SND1: variants seen among roughly 807,000 people sequenced by gnomAD.
SND1 encodes staphylococcal nuclease domain-containing protein 1.
A neutral mutation model predicts 121.7 loss-of-function variants in SND1; 38 were observed. The observed-to-expected ratio is 0.31, with a 90% CI of 0.24 to 0.41. The LOEUF (loss-of-function observed/expected upper bound fraction) is 0.41, where lower values mean the gene tolerates loss of function less well. Among genes scored for constraint, SND1 ranks in the 10% least tolerant of loss-of-function variants. The pLI is 1.00. For missense variants in SND1, 868 were observed against 1,184.6 expected, an observed-to-expected ratio of 0.73 and a Z score of 3.92; for synonymous variants, 401 against 447.4, an observed-to-expected ratio of 0.90 and a Z score of 1.31.
intron 12 of SND1, among the ~76,000 whole-genome samples, chr7:127,886,155 A>G (rs1799902874): frequency 6.6e-6 from 1 of 152,086 alleles, no homozygotes; most frequent in African/African-American, 2.4e-5. Context: ...GTGGGAGTGG[A>G]TTTTGAGAAG....
chr7:127,851,524 T>C (rs770334816), intron 12 of SND1, among the ~76,000 whole-genome samples: 7 of 152,240 alleles, frequency 4.6e-5, no homozygotes, highest in Non-Finnish European at 8.8e-5. Flanking sequence ...TATTGACTTA[T>C]TTTCATTCAT....
intron 16 of SND1, among the ~76,000 whole-genome samples, chr7:128,070,586 C>T (rs1793393879): frequency 6.6e-6 from 1 of 152,174 alleles, no homozygotes; most frequent in African/African-American, 2.4e-5. Context: ...TTGCAAATTA[C>T]ACAACACTCC....
chr7:127,764,311 A>G (rs777509014), intron 10 of SND1, among the ~76,000 whole-genome samples: 3 of 152,214 alleles, frequency 2.0e-5, no homozygotes, highest in Non-Finnish European at 4.4e-5. Context: ...ATTCCCACAC[A>G]TTATGTGTAC....
intron 16 of SND1, among the ~76,000 whole-genome samples, chr7:128,016,521 C>T (rs1362898): frequency 0.21 from 31,657 of 152,072 alleles, 3,693 homozygotes; most frequent in Middle Eastern, 0.3. Flanking sequence ...GGCATGGGGC[C>T]GTGTGGGTGG....
At chr7:127,776,749 T>A (rs986181871) in intron 10 of SND1, among the ~76,000 whole-genome samples, 4 of 152,222 alleles carry the variant, frequency 2.6e-5, no homozygotes, top group African/African-American at 9.6e-5. Context: ...TATAAAACAC[T>A]GGGTATTTCT....
intron 15 of SND1, among the ~76,000 whole-genome samples, chr7:127,958,109 A>C (rs966999636): frequency 6.6e-6 from 1 of 152,236 alleles, no homozygotes; most frequent in African/African-American, 2.4e-5. Context: ...AGCAAACTAT[A>C]TGAAACAAAA....
chr7:127,901,050 G>C (rs1800222285), intron 13 of SND1, among the ~76,000 whole-genome samples: 1 of 152,200 alleles, frequency 6.6e-6, no homozygotes, highest in Non-Finnish European at 1.5e-5. Flanking sequence ...GGGAAAGGCA[G>C]TATGGGGAGC....
At chr7:127,795,302 T>A (rs1268127895) in intron 10 of SND1, among the ~76,000 whole-genome samples, 1 of 152,082 alleles carries the variant, frequency 6.6e-6, no homozygotes, top group African/African-American at 2.4e-5. Flanking sequence ...AGCTCTATGA[T>A]CTTTCACTAC....
chr7:128,067,749 G>A lies in SND1; in HGVS notation c.1780-6753G>A, dbSNP rs530271570. ...CAGTAACGCCTGTGCACTTGGGGAAGACAGTATCTCTTCTCCATCCTCCCA... is the reference window on the plus strand; with the variant it reads ...CAGTAACGCCTGTGCACTTGGGGAAAACAGTATCTCTTCTCCATCCTCCCA... On this transcript the variant is annotated intron_variant, in intron 16 of 23. Transcript: ENST00000354725. 7.2e-5 allele frequency among the ~76,000 whole-genome samples: 11 copies of A among 152,254 alleles called. No homozygotes were observed. In the East Asian group the frequency reaches 2.1e-3, roughly 29 times the overall value.
At chr7:127,782,011 A>T (rs1227073719) in intron 10 of SND1, among the ~76,000 whole-genome samples, 1 of 152,180 alleles carries the variant, frequency 6.6e-6, no homozygotes, top group Non-Finnish European at 1.5e-5. Flanking sequence ...CTGAGTGGTG[A>T]CCAGTTTCTT....
intron 1 of SND1, among the ~76,000 whole-genome samples, chr7:127,656,170 C>T (rs991003824): frequency 1.3e-5 from 2 of 152,142 alleles, no homozygotes; most frequent in Admixed American, 6.5e-5. Flanking sequence ...CTTGTGCTGT[C>T]AGGTTGTTGT....
chr7:127,894,435 T>A (rs1800078199), intron 13 of SND1, among the ~76,000 whole-genome samples: 1 of 152,136 alleles, frequency 6.6e-6, no homozygotes, highest in African/African-American at 2.4e-5. Flanking sequence ...CATATCTGTG[T>A]CTTCAGTTTT....
intron 3 of SND1, among the ~76,000 whole-genome samples, chr7:127,695,738 A>G (rs1471090180): frequency 6.6e-6 from 1 of 152,172 alleles, no homozygotes; most frequent in Admixed American, 6.5e-5. Context: ...AGGTGGGAGA[A>G]TCACCTGAGT....
intron 15 of SND1, among the ~76,000 whole-genome samples, chr7:127,967,245 A>G (rs982737556): frequency 9.9e-5 from 15 of 152,280 alleles, no homozygotes; most frequent in Non-Finnish European, 1.8e-4. Flanking sequence ...TTTAGGAGCT[A>G]GCACTCTCTT....
chr7:127,989,223 T>A (rs1802464484), intron 15 of SND1, among the ~76,000 whole-genome samples: 1 of 152,174 alleles, frequency 6.6e-6, no homozygotes, highest in Non-Finnish European at 1.5e-5. Context: ...GACACTTGGG[T>A]GGGGCCTTCA....
intron 14 of SND1, among the ~76,000 whole-genome samples, chr7:127,922,191 T>TTTTTTTG (rs1800727146): frequency 1.9e-5 from 2 of 106,064 alleles, no homozygotes; most frequent in African/African-American, 3.4e-5. Context: ...TTTTTTTTTT[T>TTTTTTTG]TTTTTTTTTT....
chr7:127,734,200 T>C (rs1796732512), intron 10 of SND1, among the ~76,000 whole-genome samples: 1 of 152,140 alleles, frequency 6.6e-6, no homozygotes, highest in Non-Finnish European at 1.5e-5. Context: ...CAGAGCCAGA[T>C]GCTAAGCAGA....
chr7:127,749,517 G>A (rs1190636550), intron 10 of SND1, among the ~76,000 whole-genome samples: 1 of 152,054 alleles, frequency 6.6e-6, no homozygotes, highest in Non-Finnish European at 1.5e-5. Flanking sequence ...TTAATAATGA[G>A]GTGTGGAGAG....
intron 12 of SND1, among the ~76,000 whole-genome samples, chr7:127,849,361 C>G (rs1419156424): frequency 6.6e-6 from 1 of 152,200 alleles, no homozygotes; most frequent in Admixed American, 6.5e-5. Context: ...TCCAATTTGG[C>G]AAACCCTTAG....
Sources: gnomAD v4.1 joint callset for allele counts (sites outside exome capture counted in the v4.1 genomes callset) on GRCh38, gnomAD v4.1.1 for gene constraint, MANE v1.5 for transcripts, NCBI Gene and HGNC (gene_info 2026-07-23, HGNC 2026-07-21) for gene names.